The following TMEM131 variants were observed in gnomAD, a reference collection of about 807,000 sequenced individuals.
The protein encoded by TMEM131 is transmembrane protein 131, also known as 2610524E03Rik.
A neutral mutation model predicts 211.6 loss-of-function variants in TMEM131; 66 were observed. The observed-to-expected ratio is 0.31, with a 90% CI of 0.26 to 0.38. The LOEUF (loss-of-function observed/expected upper bound fraction) is 0.38. Ranked by LOEUF, TMEM131 falls within the 10% of genes least tolerant of loss-of-function variation. The pLI, the probability that TMEM131 is intolerant of heterozygous loss-of-function variation, is 1.00. For synonymous variants in TMEM131, 844 were observed against 841.3 expected (o/e 1.00, Z -0.06); for missense variants, 2,036 against 2,299.3 (o/e 0.89, Z 2.34).
At chr2:97,908,059 A>G (rs2104366626) in intron 3 of TMEM131, among the ~76,000 whole-genome samples, 1 of 152,340 alleles carries the variant, frequency 6.6e-6, no homozygotes. Flanking sequence ...CTTTCACCGC[A>G]TATAGAAAGA....
chr2:97,818,696 T>C lies in TMEM131; in HGVS notation c.1100A>G (p.Asp367Gly). ...TGGTTTAAAGTGTACCGTTATAGCA[T>C]CATTTTGTGGTGTAGGTCGAACACT... ...ITSVRPTPQN[D>G]AITVHFKPIT... Residue 367 changes from aspartate to glycine, a missense_variant, in exon 12 of 41, where the codon GAT (aspartate) becomes GGT (glycine). Coordinates refer to ENST00000186436, the MANE Select transcript of TMEM131 (RefSeq NM_015348.2). 6.2e-7 allele frequency: 1 copy of C among 1,605,956 alleles called. No individual in the cohort carries two copies. The highest frequency in any genetic ancestry group is 8.5e-7 in the Non-Finnish European group (1 of 1,175,168).
At chr2:97,798,433 T>C (rs1302791510) in intron 25 of TMEM131, among the ~76,000 whole-genome samples, 1 of 152,252 alleles carries the variant, frequency 6.6e-6, no homozygotes, top group Non-Finnish European at 1.5e-5. Flanking sequence ...TAGATCGGTG[T>C]GTGTTTCACA....
intron 35 of TMEM131, 135 bp from the exon 36 acceptor site, chr2:97,762,335 T>C (rs1367637666): frequency 1.3e-5 from 11 of 874,000 alleles, no homozygotes; most frequent in Non-Finnish European, 1.9e-5. Context: ...CTCTTAGATG[T>C]GTTCTGTTTA....
chr2:97,932,608 T>C (rs1417798859), intron 1 of TMEM131, among the ~76,000 whole-genome samples: 1 of 152,178 alleles, frequency 6.6e-6, no homozygotes, highest in Non-Finnish European at 1.5e-5. Flanking sequence ...CAAAATACCA[T>C]AATTAATTTT....
chr2:97,784,471 G>C (rs1316977224), intron 31 of TMEM131, among the ~76,000 whole-genome samples: 1 of 152,044 alleles, frequency 6.6e-6, no homozygotes, highest in African/African-American at 2.4e-5. Context: ...CTCCAATCTT[G>C]GAAGACTGGA....
At chr2:97,876,092 A>C (rs1315841177) in intron 4 of TMEM131, among the ~76,000 whole-genome samples, 3 of 152,248 alleles carry the variant, frequency 2.0e-5, no homozygotes, top group Non-Finnish European at 4.4e-5. Context: ...TATGCAAATA[A>C]ACTACAAAAT....
chr2:97,979,090 T>C (rs1222111872), intron 1 of TMEM131, among the ~76,000 whole-genome samples: 2 of 152,224 alleles, frequency 1.3e-5, no homozygotes, highest in African/African-American at 2.4e-5. Flanking sequence ...AGCAGTAATA[T>C]TTGGAAAGTA....
chr2:97,992,776 C>T (rs79055233), intron 1 of TMEM131, among the ~76,000 whole-genome samples: 7,645 of 152,240 alleles, frequency 0.05, 291 homozygotes, highest in Middle Eastern at 0.092. Flanking sequence ...ACAACTCACA[C>T]ACATTTTTGC....
At chr2:97,803,360 A>C (rs901440767) in intron 22 of TMEM131, among the ~76,000 whole-genome samples, 4 of 152,224 alleles carry the variant, frequency 2.6e-5, no homozygotes, top group Admixed American at 2.6e-4. Flanking sequence ...ATCAGTTGAC[A>C]ACAGAGGTAA....
intron 3 of TMEM131, 83 bp downstream of exon 3, chr2:97,908,575 G>A (rs1162096032): frequency 2.0e-6 from 2 of 987,338 alleles, no homozygotes; most frequent in East Asian, 5.0e-5. Context: ...ACCAAAATGA[G>A]CAAGGGGAAA....
In TMEM131 at chr2:97,859,451, C is replaced by T. The variant is rs200348263; in HGVS notation, c.360-24G>A. On this transcript the variant is annotated intron_variant, in intron 4 of 40. Coordinates refer to ENST00000186436, the MANE Select transcript of TMEM131 (RefSeq NM_015348.2). ...GTCTGTAAAACAAAAAGAAAATTAT[C>T]ACAAATATTTCACAGATAATTCTGA... The T allele has an allele frequency of 1.6e-3, 2,415 of 1,513,946 alleles. 3 individuals are homozygous for T. The highest frequency in any genetic ancestry group is 4.1e-3 in the Admixed American group (161 of 39,304). The allele number at this position is 1,513,946 out of a possible 1,614,324, so 93.8% of individuals were successfully genotyped here.
In TMEM131 at chr2:97,775,982, G is replaced by C. The variant is rs191676674; in HGVS notation, c.4181C>G (p.Pro1394Arg). Residue 1394 changes from proline to arginine, a missense_variant, in exon 32 of 41, where the codon CCT becomes CGT. Physicochemically the swap from Pro to Arg is moderately radical, Grantham distance 103. This residue lies in a region of TMEM131 where 1,623 missense variants were observed against 1,805.9 expected (regional missense o/e 0.90). Coordinates refer to ENST00000186436, the MANE Select transcript of TMEM131 (RefSeq NM_015348.2). ...CTTCTCCTTTTCCTCTTGCTTCTTA[G>C]GTGGTTTCACCTTGCGCTGAAGAGG... ...GKPLQRKVKP[P>R]KKQEEKEKKG... is the part of the protein sequence containing the mutation. 6.2e-7 allele frequency: 1 copy of C among 1,613,910 alleles called. No individual in the cohort carries two copies. Among genetic ancestry groups the C allele is most frequent in the East Asian group, 2.2e-5 (1 of 44,888 alleles).
chr2:97,771,737 C>A (rs1429339263), intron 33 of TMEM131, among the ~76,000 whole-genome samples: 1 of 152,228 alleles, frequency 6.6e-6, no homozygotes, highest in Non-Finnish European at 1.5e-5. Flanking sequence ...CCTGGGGAAA[C>A]AGCCTGCACA....
intron 4 of TMEM131, among the ~76,000 whole-genome samples, chr2:97,883,095 T>C (rs1246165706): frequency 1.3e-5 from 2 of 152,102 alleles, no homozygotes; most frequent in Non-Finnish European, 2.9e-5. Context: ...AGTAGCTCTA[T>C]GGGGCCTCTC....
chr2:97,785,972 C>G (rs1680230309), intron 31 of TMEM131, among the ~76,000 whole-genome samples: 1 of 152,060 alleles, frequency 6.6e-6, no homozygotes, highest in African/African-American at 2.4e-5. Context: ...TTTGTCATTT[C>G]AAGAATGTTA....
rs570342079 is a variant in TMEM131 at position 97,852,152 on chromosome 2, C to T, written c.483+7152G>A. On this transcript the variant is annotated intron_variant, in intron 5 of 40. Transcript: ENST00000186436. ...TCTGGATGGAAGAGCTAAGCAGCCA[C>T]GGCATTCTCTTTTTTTTTTTTTTTT... Among the ~76,000 whole-genome samples, 13 of 141,996 alleles carry T rather than the reference C, an allele frequency of 9.2e-5. No individual in the cohort carries two copies. The East Asian group carries it at 2.0e-3, about 22-fold the overall frequency. The allele number at this position is 141,996 out of a possible 152,430, so 93.2% of individuals were successfully genotyped here. A position where few individuals can be genotyped will look rare whatever the true frequency, so the allele number is the denominator to read the frequency against.
intron 32 of TMEM131, among the ~76,000 whole-genome samples, chr2:97,772,862 A>C (rs915266472): frequency 6.6e-6 from 1 of 152,208 alleles, no homozygotes; most frequent in Admixed American, 6.5e-5. Context: ...ATGCCACTAA[A>C]CTCAGCCTGG....
intron 1 of TMEM131, among the ~76,000 whole-genome samples, chr2:97,945,312 G>T (rs1020751375): frequency 6.6e-6 from 1 of 152,164 alleles, no homozygotes; most frequent in Non-Finnish European, 1.5e-5. Context: ...GGAATAGGGT[G>T]TGACTCCTAT....
intron 11 of TMEM131, chr2:97,827,488 A>G (rs1682458076): frequency 1.9e-6 from 2 of 1,056,808 alleles, no homozygotes; most frequent in African/African-American, 3.1e-5. Context: ...AAATGGGGAA[A>G]CGAAAACTGA....
Sources: gnomAD v4.1 joint callset for allele counts (sites outside exome capture counted in the v4.1 genomes callset) on GRCh38, gnomAD v4.1.1 for gene constraint, gnomAD v4.1.1 regional missense constraint, MANE v1.5 for transcripts, NCBI Gene and HGNC (gene_info 2026-07-23, HGNC 2026-07-21) for gene names.